The following C7orf78 variants were observed in gnomAD, a reference collection of about 807,000 sequenced individuals.
The protein encoded by C7orf78 is chromosome 7 open reading frame 78.
chr7:12,533,514 T>A, the C7orf78 span, among the ~76,000 whole-genome samples: 7 of 143,030 alleles, frequency 4.9e-5, no homozygotes, highest in East Asian at 1.4e-3. Context: ...AAAGGTTTCT[T>A]TTTTTTTTTT....
the C7orf78 span, among the ~76,000 whole-genome samples, chr7:12,500,708 G>A: frequency 6.6e-6 from 1 of 151,926 alleles, no homozygotes; most frequent in African/African-American, 2.4e-5. Context: ...GAAAAAGAGG[G>A]AATCCTCCCC....
the C7orf78 span, among the ~76,000 whole-genome samples, chr7:12,532,108 G>T: frequency 6.6e-6 from 1 of 152,090 alleles, no homozygotes; most frequent in Non-Finnish European, 1.5e-5. Context: ...AGATGGAGCC[G>T]CCATTTTGAA....
chr7:12,540,286 G>T, the C7orf78 span, among the ~76,000 whole-genome samples: 5 of 152,286 alleles, frequency 3.3e-5, no homozygotes, highest in Admixed American at 3.3e-4. Context: ...ACCTAAGTGG[G>T]AAGCCTCATT....
the C7orf78 span, among the ~76,000 whole-genome samples, chr7:12,512,022 TC>T: frequency 2.8e-5 from 4 of 143,294 alleles, no homozygotes; most frequent in African/African-American, 1.0e-4. Flanking sequence ...TGATCCACCC[TC>T]CTTGGCCTCC....
the C7orf78 span, among the ~76,000 whole-genome samples, chr7:12,502,948 T>C: frequency 6.6e-6 from 1 of 151,264 alleles, no homozygotes; most frequent in East Asian, 1.9e-4. Context: ...CTGGATGAAA[T>C]TGGAAGTCAT....
chr7:12,529,162 A>G, the C7orf78 span: 4 of 395,244 alleles, frequency 1.0e-5, no homozygotes, highest in African/African-American at 8.2e-5. Context: ...GTCTTTAAAA[A>G]TAAAGCATAT....
At chr7:12,501,461 T>C in the C7orf78 span, among the ~76,000 whole-genome samples, 1 of 152,076 alleles carries the variant, frequency 6.6e-6, no homozygotes, top group Non-Finnish European at 1.5e-5. Context: ...AGCTAAATCA[T>C]GAGTGGAATC....
the C7orf78 span, among the ~76,000 whole-genome samples, chr7:12,494,905 C>T: frequency 3.3e-5 from 5 of 151,978 alleles, no homozygotes. Flanking sequence ...CACAGGTCCC[C>T]AAAGTCACCA....
At chr7:12,517,586 T>A in the C7orf78 span, among the ~76,000 whole-genome samples, 1 of 152,168 alleles carries the variant, frequency 6.6e-6, no homozygotes, top group African/African-American at 2.4e-5. Flanking sequence ...TTATTCTTTG[T>A]TTTTTCATTT....
the C7orf78 span, among the ~76,000 whole-genome samples, chr7:12,494,211 G>A: frequency 2.6e-5 from 4 of 152,108 alleles, no homozygotes; most frequent in Admixed American, 2.6e-4. Context: ...AGGCAATATT[G>A]ACCATTTTGC....
chr7:12,496,852 A>G, the C7orf78 span, among the ~76,000 whole-genome samples: 1 of 152,240 alleles, frequency 6.6e-6, no homozygotes, highest in Non-Finnish European at 1.5e-5. Flanking sequence ...TTCCAAAACT[A>G]TAAGAGATTT....
At chr7:12,510,485 A>G in the C7orf78 span, among the ~76,000 whole-genome samples, 3 of 152,208 alleles carry the variant, frequency 2.0e-5, no homozygotes, top group Admixed American at 1.3e-4. Flanking sequence ...TTTTTGAGAA[A>G]TCTCCATACT....
At chr7:12,496,205 G>A in the C7orf78 span, among the ~76,000 whole-genome samples, 13 of 152,150 alleles carry the variant, frequency 8.5e-5, no homozygotes, top group Admixed American at 6.5e-4. Flanking sequence ...GAATACAGGC[G>A]TGAGCCACCT....
At chr7:12,488,681 T>C in the C7orf78 span, among the ~76,000 whole-genome samples, 2 of 151,790 alleles carry the variant, frequency 1.3e-5, no homozygotes, top group East Asian at 1.9e-4. Context: ...AAAAAAAAAA[T>C]ATAAAGCCCT....
the C7orf78 span, among the ~76,000 whole-genome samples, chr7:12,492,254 G>C: frequency 6.6e-6 from 1 of 151,962 alleles, no homozygotes; most frequent in South Asian, 2.1e-4. Context: ...TTACATTTTA[G>C]AAATAAAAAA....
the C7orf78 span, among the ~76,000 whole-genome samples, chr7:12,502,936 A>G: frequency 6.6e-6 from 1 of 151,330 alleles, no homozygotes; most frequent in Non-Finnish European, 1.5e-5. Flanking sequence ...CTTTGTAGGG[A>G]CCTGGATGAA....
At chr7:12,487,872 A>G in the C7orf78 span, among the ~76,000 whole-genome samples, 1 of 152,090 alleles carries the variant, frequency 6.6e-6, no homozygotes, top group Non-Finnish European at 1.5e-5. Context: ...GTTATAACCA[A>G]TAAGAACCAA....
At chr7:12,511,913 G>C in the C7orf78 span, among the ~76,000 whole-genome samples, 1 of 126,296 alleles carries the variant, frequency 7.9e-6, no homozygotes, top group African/African-American at 3.1e-5. Context: ...CACCACACCT[G>C]GCTAATTTTT....
the C7orf78 span, among the ~76,000 whole-genome samples, chr7:12,489,283 C>CT: frequency 1.0e-3 from 5 of 4,864 alleles, no homozygotes; most frequent in African/African-American, 0.03. Flanking sequence ...TATTTATATG[C>CT]ATTGTTTCCC....
Sources: gnomAD v4.1 joint callset for allele counts (sites outside exome capture counted in the v4.1 genomes callset) on GRCh38, gnomAD v4.1.1 for gene constraint, MANE v1.5 for transcripts, NCBI Gene and HGNC (gene_info 2026-07-23, HGNC 2026-07-21) for gene names.